DOCK2: variants seen among roughly 807,000 people sequenced by gnomAD.
The protein encoded by DOCK2 is dedicator of cytokinesis 2, also known as dedicator of cytokinesis protein 2.
Under a neutral mutation model 248.9 loss-of-function variants are expected in DOCK2, and 87 were observed. The ratio of observed to expected loss-of-function variants is 0.35; its 90% CI spans 0.29 to 0.42. The LOEUF is 0.42. DOCK2 is among the 10% of genes least tolerant of loss of function. The probability of loss-of-function intolerance (pLI) is 1.00; values close to 1 mark genes in which losing one functional copy is unlikely to be tolerated. For missense variants in DOCK2, 1,747 were observed against 2,300.2 expected, an observed-to-expected ratio of 0.76 and a Z score of 4.92; for synonymous variants, 805 against 821.6, an observed-to-expected ratio of 0.98 and a Z score of 0.35.
At chr5:169,653,962 C>G (rs1362376357) in intron 1 of DOCK2, among the ~76,000 whole-genome samples, 1 of 152,236 alleles carries the variant, frequency 6.6e-6, no homozygotes, top group African/African-American at 2.4e-5. Context: ...GTCTCAGAGG[C>G]CACAGCTGCC....
In DOCK2 at chr5:169,674,801, G is replaced by A. The variant is rs377424294; in HGVS notation, c.470+356G>A. The stretch of plus-strand genomic sequence containing the variant: ...AAAACTCTCCCTTAAATCCCAATGT[G>A]AGACTTAATGTCTCTTCCCCCATCC... On this transcript the variant is annotated intron_variant, in intron 6 of 51. Transcript: ENST00000520908. 6.6e-5 allele frequency among the ~76,000 whole-genome samples: 10 copies of A among 152,304 alleles called. No homozygotes were observed. In the East Asian group the frequency reaches 7.7e-4, roughly 12 times the overall value.
intron 25 of DOCK2, among the ~76,000 whole-genome samples, chr5:169,781,417 C>A (rs1018388733): frequency 6.6e-6 from 1 of 152,186 alleles, no homozygotes; most frequent in Non-Finnish European, 1.5e-5. Flanking sequence ...ACCACTTAAC[C>A]TCTCTGGGCT....
chr5:169,639,973 G>A (rs1055068366), intron 1 of DOCK2, among the ~76,000 whole-genome samples: 5 of 152,240 alleles, frequency 3.3e-5, no homozygotes, highest in African/African-American at 1.2e-4. Flanking sequence ...GGGTTGGCTT[G>A]TCTCATGGCC....
At chr5:170,047,721 T>C in intron 40 of DOCK2, 107 bp downstream of exon 40, 1 of 1,008,370 alleles carries the variant, frequency 9.9e-7, no homozygotes. Context: ...GCGGTGCTCT[T>C]CTCTGTCTGA....
chr5:170,004,395 T>C (rs1198113056), intron 30 of DOCK2, among the ~76,000 whole-genome samples: 1 of 152,206 alleles, frequency 6.6e-6, no homozygotes, highest in Non-Finnish European at 1.5e-5. Flanking sequence ...TATCTCATAG[T>C]GGTTTTGATT....
chr5:169,670,945 G>C (rs1581007660), intron 4 of DOCK2, 133 bp from the exon 5 acceptor site: 1 of 675,836 alleles, frequency 1.5e-6, no homozygotes, highest in East Asian at 2.7e-5. Flanking sequence ...AGTTGGTGTG[G>C]CTATTGGAGG....
chr5:170,019,238 TG>T, intron 33 of DOCK2, 130 bp downstream of exon 33: 1 of 1,409,782 alleles, frequency 7.1e-7, no homozygotes. Flanking sequence ...CATTTATTCA[TG>T]GGTCCGGAAT....
chr5:169,784,073 A>G lies in DOCK2; in HGVS notation c.2555-18985A>G, dbSNP rs559157557. Among the ~76,000 whole-genome samples the G allele has an allele frequency of 1.6e-4, 24 of 152,126 alleles. No individual in the cohort carries two copies. In the South Asian group the frequency reaches 5.0e-3, roughly 32 times the overall value. On this transcript the variant is annotated intron_variant, in intron 25 of 51. Transcript: ENST00000520908. ...TCAAAGTCCAGGGATGTGCAGGTAT[A>G]TATTTTGGGCAGTCAGGTTCTGTTG... is the stretch of plus-strand genomic sequence containing the variant.
rs549164590 is a variant in DOCK2, at chr5:169,787,964, T to G, written c.2555-15094T>G. Among the ~76,000 whole-genome samples, 3 of 152,266 alleles carry G rather than the reference T, an allele frequency of 2.0e-5. No individual in the cohort carries two copies. In the Middle Eastern group the frequency reaches 0.01, roughly 518 times the overall value. ...ATTTTTTTTGTAGGGGGCAGCCGCATCCACTGTATCTCTCATATGGTTAAA... is the reference window on the plus strand; with the variant it reads ...ATTTTTTTTGTAGGGGGCAGCCGCAGCCACTGTATCTCTCATATGGTTAAA... On this transcript the variant is annotated intron_variant, in intron 25 of 51. Coordinates refer to ENST00000520908, the MANE Select transcript of DOCK2 (RefSeq NM_004946.3).
chr5:169,848,500 C>G (rs1166379522), intron 27 of DOCK2, among the ~76,000 whole-genome samples: 2 of 152,224 alleles, frequency 1.3e-5, no homozygotes, highest in Admixed American at 1.3e-4. Flanking sequence ...CTGATGCATC[C>G]TGTTACTGAC....
At chr5:169,708,671 T>C (rs988963786) in intron 15 of DOCK2, among the ~76,000 whole-genome samples, 2 of 152,070 alleles carry the variant, frequency 1.3e-5, no homozygotes, top group Admixed American at 6.6e-5. Flanking sequence ...TTCTAGTGAT[T>C]CTCCTGTCTC....
chr5:169,801,824 T>C (rs1767008899), intron 25 of DOCK2, among the ~76,000 whole-genome samples: 1 of 151,948 alleles, frequency 6.6e-6, no homozygotes, highest in African/African-American at 2.4e-5. Flanking sequence ...TTTTTTTTTT[T>C]TTTCCTGTAA....
chr5:170,081,455 A>G, intron 50 of DOCK2: 1 of 182,762 alleles, frequency 5.5e-6, no homozygotes, highest in Non-Finnish European at 1.1e-5. Context: ...CGTGGGTTTG[A>G]GACTCTCTTC....
intron 27 of DOCK2, among the ~76,000 whole-genome samples, chr5:169,965,354 T>A (rs1446425573): frequency 6.6e-6 from 1 of 152,228 alleles, no homozygotes; most frequent in Non-Finnish European, 1.5e-5. Flanking sequence ...CAGGCCACAC[T>A]CTGAGTAGCA....
intron 15 of DOCK2, among the ~76,000 whole-genome samples, chr5:169,709,129 T>C (rs1398647738): frequency 1.3e-5 from 2 of 152,244 alleles, no homozygotes; most frequent in Admixed American, 6.5e-5. Flanking sequence ...CTCTTGATTA[T>C]ACTTGGCAGT....
At chr5:169,990,090 T>G (rs1246009441) in intron 29 of DOCK2, among the ~76,000 whole-genome samples, 1 of 10,634 alleles carries the variant, frequency 9.4e-5, no homozygotes, top group African/African-American at 8.4e-4. Context: ...CTCTTAATGT[T>G]TTTTTTTTTC....
chr5:169,821,266 G>A (rs887459354), intron 26 of DOCK2, among the ~76,000 whole-genome samples: 1 of 152,072 alleles, frequency 6.6e-6, no homozygotes, highest in African/African-American at 2.4e-5. Context: ...GAAATACAGA[G>A]AACGCCACAA....
intron 22 of DOCK2, among the ~76,000 whole-genome samples, chr5:169,741,010 A>T (rs1274069946): frequency 6.6e-6 from 1 of 151,792 alleles, no homozygotes; most frequent in African/African-American, 2.4e-5. Context: ...TAATTTTTGT[A>T]TTTTTTTGTG....
chr5:169,730,890 C>T (rs74651755), intron 22 of DOCK2, among the ~76,000 whole-genome samples: 4 of 145,486 alleles, frequency 2.7e-5, no homozygotes, highest in African/African-American at 2.8e-5. Flanking sequence ...CTCTCTCTCT[C>T]TTTTTTTTAG....
Sources: gnomAD v4.1 joint callset for allele counts (sites outside exome capture counted in the v4.1 genomes callset) on GRCh38, gnomAD v4.1.1 for gene constraint, MANE v1.5 for transcripts, NCBI Gene and HGNC (gene_info 2026-07-23, HGNC 2026-07-21) for gene names.